Variants in SOX30 observed in about 807,000 individuals in gnomAD.
SOX30 encodes transcription factor SOX-30.
In SOX30, 17 loss-of-function variants were observed where a neutral mutation model predicts 58.6. That is an observed-to-expected ratio of 0.29 (90% CI 0.20 to 0.44). SOX30 has a LOEUF of 0.44. Ranked by LOEUF, SOX30 falls within the 20% of genes least tolerant of loss-of-function variation. The pLI is 1.00. For missense variants in SOX30, 951 were observed against 965.8 expected, an observed-to-expected ratio of 0.98 and a Z score of 0.20; for synonymous variants, 421 against 400.2, an observed-to-expected ratio of 1.05 and a Z score of -0.62.
intron 3 of SOX30, among the ~76,000 whole-genome samples, chr5:157,644,625 TG>T (rs1759144765): frequency 6.6e-6 from 1 of 152,102 alleles, no homozygotes. Flanking sequence ...TAGAAGCAGA[TG>T]TAAGTGAGGT....
At chr5:157,642,572 T>C (rs1489689257) in intron 3 of SOX30, among the ~76,000 whole-genome samples, 2 of 152,028 alleles carry the variant, frequency 1.3e-5, no homozygotes, top group African/African-American at 4.8e-5. Flanking sequence ...TTATTTTACA[T>C]GACAATGCTA....
intron 3 of SOX30, 91 bp from the exon 4 acceptor site, chr5:157,638,813 G>C: frequency 7.6e-7 from 1 of 1,314,184 alleles, no homozygotes. Flanking sequence ...TGTATAAGCA[G>C]AGGCCTTCAT....
chr5:157,637,928 G>A (rs901278967), intron 4 of SOX30, among the ~76,000 whole-genome samples: 1 of 151,904 alleles, frequency 6.6e-6, no homozygotes, highest in Middle Eastern at 3.2e-3. Flanking sequence ...TCCTGACCTC[G>A]AGTTACCCAC....
At chr5:157,630,498 A>G (rs550076034) in intron 4 of SOX30, among the ~76,000 whole-genome samples, 4 of 152,192 alleles carry the variant, frequency 2.6e-5, no homozygotes, top group African/African-American at 9.6e-5. Context: ...GGTTTTCTAG[A>G]GTATTTTTGT....
Position 157,651,397 on chromosome 5 carries a change from C to G in SOX30, c.682G>C (p.Ala228Pro). 6.2e-7 allele frequency: 1 copy of G among 1,613,416 alleles called. No homozygotes were observed. The highest frequency in any genetic ancestry group is 1.1e-5 in the South Asian group (1 of 91,060). ...ACCAGGCCATTGGACGCGGGCTCCGCGCCGAGCCTGCAGTCCTCGAGGAGT... is the reference window on the plus strand; with the variant it reads ...ACCAGGCCATTGGACGCGGGCTCCGGGCCGAGCCTGCAGTCCTCGAGGAGT... ...ERLLEDCRLGAEPASNGLVHG... is the reference protein window; with the variant it reads ...ERLLEDCRLGPEPASNGLVHG... Residue 228 changes from alanine to proline, a missense_variant, in exon 1 of 5, where the codon GCG (alanine) becomes CCG (proline). By Grantham distance (27) the Ala-to-Pro change is conservative (BLOSUM62 -1). Coordinates refer to ENST00000265007, the MANE Select transcript of SOX30 (RefSeq NM_178424.2).
chr5:157,629,651 T>C (rs1758741566), intron 4 of SOX30, among the ~76,000 whole-genome samples: 1 of 152,212 alleles, frequency 6.6e-6, no homozygotes, highest in Non-Finnish European at 1.5e-5. Context: ...TTATCCAATA[T>C]GTAAGCATTT....
chr5:157,633,881 A>AT (rs1225874388), intron 4 of SOX30, among the ~76,000 whole-genome samples: 1 of 152,112 alleles, frequency 6.6e-6, no homozygotes, highest in Non-Finnish European at 1.5e-5. Flanking sequence ...TTTTAAACAC[A>AT]TTTTTTACCC....
At chr5:157,664,529 C>T (rs4616875) in intron 2 of SOX30, among the ~76,000 whole-genome samples, 7,733 of 152,266 alleles carry the variant, frequency 0.051, 324 homozygotes, top group Admixed American at 0.084. Flanking sequence ...AGGACATAGG[C>T]GTGGGCAAGG....
At chr5:157,635,238 T>TA in intron 4 of SOX30, among the ~76,000 whole-genome samples, 1 of 152,370 alleles carries the variant, frequency 6.6e-6, no homozygotes, top group African/African-American at 2.4e-5. Flanking sequence ...AAATTCAGTA[T>TA]AATAGCTAGT....
intron 4 of SOX30, among the ~76,000 whole-genome samples, chr5:157,629,063 T>C (rs77907893): frequency 0.011 from 1,680 of 152,278 alleles, 23 homozygotes; most frequent in African/African-American, 0.037. Context: ...TACAGTTAGA[T>C]AGAAGATGTA....
At position 157,626,455 on chromosome 5, in the gene SOX30, A is replaced by C. The variant is rs777849723; in HGVS notation, c.2147T>G (p.Ile716Ser). ...ENLNPVPQLDIGTLENVFTAP... is the reference protein window; with the variant it reads ...ENLNPVPQLDSGTLENVFTAP... The stretch of plus-strand genomic sequence containing the variant: ...TGTGAAGACATTCTCCAAGGTTCCA[A>C]TGTCCAGCTGAGGCACAGGGTTTAA... The change falls in exon 5 of 5, where the codon ATT (isoleucine) becomes AGT (serine). Residue 716 changes from isoleucine (I) to serine (S), a missense_variant. Physicochemically the swap from Ile to Ser is moderately radical, Grantham distance 142. Coordinates refer to ENST00000265007, the MANE Select transcript of SOX30 (RefSeq NM_178424.2). 1 of 1,614,198 alleles carries C rather than the reference A, an allele frequency of 6.2e-7. No homozygotes were observed.
intron 2 of SOX30, chr5:157,667,732 C>G (rs553994053): frequency 1.5e-5 from 22 of 1,515,188 alleles, no homozygotes; most frequent in Admixed American, 8.2e-5. Flanking sequence ...GAGCGAGACT[C>G]CATCTCAGAA....
chr5:157,653,003 G>C (rs1759401087), upstream of SOX30, among the ~76,000 whole-genome samples: 1 of 152,188 alleles, frequency 6.6e-6, no homozygotes, highest in African/African-American at 2.4e-5. Flanking sequence ...AGTGGCTTGG[G>C]ATCTAACCTC....
chr5:157,633,334 G>A (rs10452508), intron 4 of SOX30, among the ~76,000 whole-genome samples: 1 of 151,864 alleles, frequency 6.6e-6, no homozygotes, highest in Non-Finnish European at 1.5e-5. Flanking sequence ...ACAGCACATC[G>A]AGCTTAAAAC....
In SOX30 at chr5:157,648,935, T is replaced by TACAC. The variant is rs3217237; in HGVS notation, c.968-43_968-40dup. On this transcript the variant is annotated intron_variant, in intron 1 of 4. Coordinates refer to ENST00000265007, the MANE Select transcript of SOX30 (RefSeq NM_178424.2). The stretch of plus-strand genomic sequence containing the variant: ...ATTAAAAGGCTAAATTAATGTGCCA[T>TACAC]ACACACACACACACACAATTTTAAG... 1.3e-4 allele frequency: 198 copies of TACAC among 1,481,882 alleles called. No individual in the cohort carries two copies. In the East Asian group the frequency reaches 4.4e-3, roughly 33 times the overall value. 91.8% of individuals were successfully genotyped at this position (1,481,882 alleles called of 1,614,324 possible). A position where few individuals can be genotyped will look rare whatever the true frequency, so the allele number is the denominator to read the frequency against.
intron 2 of SOX30, among the ~76,000 whole-genome samples, chr5:157,665,517 G>A (rs1374466504): frequency 1.3e-5 from 2 of 151,708 alleles, no homozygotes; most frequent in African/African-American, 2.4e-5. Flanking sequence ...GTTAATGGGT[G>A]CAGCACACCA....
chr5:157,648,701 T>C lies in SOX30; in HGVS notation c.1163A>G (p.Asp388Gly), dbSNP rs1214140499. Residue 388 changes from aspartate to glycine, a missense_variant, in exon 2 of 5, where the codon GAT becomes GGT. Around this residue, in one of 7 missense-constraint regions of SOX30, gnomAD observed 57 missense variants for 104.0 expected, o/e 0.55. Transcript: ENST00000265007. ...LSEEQKKPYY[D>G]EAQKIKEKHR... ...CTTTTCCTTAATCTTTTGTGCTTCA[T>C]CGTAATAGGGTTTCTTTTGTTCTTC... The C allele has an allele frequency of 5.6e-6, 9 of 1,613,818 alleles. No individual in the cohort carries two copies. The highest frequency in any genetic ancestry group is 7.6e-6 in the Non-Finnish European group (9 of 1,179,986).
chr5:157,664,253 C>T (rs1302750126), intron 2 of SOX30, among the ~76,000 whole-genome samples: 2 of 152,074 alleles, frequency 1.3e-5, no homozygotes, highest in Admixed American at 6.6e-5. Context: ...GAGATATAGA[C>T]CAATGGAACA....
intron 1 of SOX30, 79 bp from the exon 2 acceptor site, chr5:157,648,975 C>A: frequency 6.7e-7 from 1 of 1,481,816 alleles, no homozygotes; most frequent in Non-Finnish European, 9.0e-7. Context: ...AGTGCACCTC[C>A]GTCTATACTT....
Sources: gnomAD v4.1 joint callset for allele counts (sites outside exome capture counted in the v4.1 genomes callset) on GRCh38, gnomAD v4.1.1 for gene constraint, gnomAD v4.1.1 regional missense constraint, MANE v1.5 for transcripts, NCBI Gene and HGNC (gene_info 2026-07-23, HGNC 2026-07-21) for gene names.